TNIK: variants seen among roughly 807,000 people sequenced by gnomAD.
TNIK encodes the protein TRAF2 and NCK-interacting protein kinase.
Under a neutral mutation model 191.3 loss-of-function variants are expected in TNIK, and 49 were observed. The ratio of observed to expected loss-of-function variants is 0.26; its 90% confidence interval spans 0.20 to 0.32. The LOEUF is 0.32. Ranked by LOEUF, TNIK falls within the 10% of genes least tolerant of loss-of-function variation. TNIK has a pLI of 1.00. For missense variants in TNIK, 1,155 were observed against 1,702.3 expected, an observed-to-expected ratio of 0.68 and a Z score of 5.66; for synonymous variants, 594 against 600.9, an observed-to-expected ratio of 0.99 and a Z score of 0.17.
At chr3:171,450,772 T>G (rs1027937425) in intron 1 of TNIK, among the ~76,000 whole-genome samples, 22 of 152,232 alleles carry the variant, frequency 1.4e-4, no homozygotes, top group African/African-American at 4.8e-4. Context: ...ATGAATGAAT[T>G]AATTGCATTC....
At chr3:171,267,513 C>T (rs1377033302) in intron 2 of TNIK, among the ~76,000 whole-genome samples, 3 of 152,226 alleles carry the variant, frequency 2.0e-5, no homozygotes, top group Non-Finnish European at 2.9e-5. Flanking sequence ...TGTTCATAAG[C>T]TGAATGTTCC....
chr3:171,260,310 A>T (rs1471470024), intron 2 of TNIK, among the ~76,000 whole-genome samples: 1 of 152,124 alleles, frequency 6.6e-6, no homozygotes, highest in South Asian at 2.1e-4. Context: ...CCGCTGCAAG[A>T]TGCTATTGCA....
chr3:171,130,631 A>G (rs1308361644), intron 15 of TNIK, among the ~76,000 whole-genome samples: 5 of 152,252 alleles, frequency 3.3e-5, no homozygotes, highest in African/African-American at 4.8e-5. Context: ...AAGGCATGCA[A>G]TATATCACTT....
intron 2 of TNIK, among the ~76,000 whole-genome samples, chr3:171,285,722 A>G (rs1201303576): frequency 2.0e-5 from 3 of 152,224 alleles, no homozygotes; most frequent in Non-Finnish European, 1.5e-5. Context: ...TTTGGCAGAT[A>G]AGAAAGCTCT....
At chr3:171,248,662 A>G (rs1036899601) in intron 2 of TNIK, among the ~76,000 whole-genome samples, 33 of 152,230 alleles carry the variant, frequency 2.2e-4, no homozygotes. Context: ...GATGCTGTAC[A>G]TTTAAGATTT....
chr3:171,178,254 T>C (rs1473212983), intron 7 of TNIK, among the ~76,000 whole-genome samples: 1 of 152,218 alleles, frequency 6.6e-6, no homozygotes, highest in Non-Finnish European at 1.5e-5. Context: ...TTGGTTTAAC[T>C]AGAAAAACAG....
At chr3:171,263,591 T>C (rs1455556576) in intron 2 of TNIK, among the ~76,000 whole-genome samples, 1 of 152,176 alleles carries the variant, frequency 6.6e-6, no homozygotes, top group Non-Finnish European at 1.5e-5. Flanking sequence ...CTATATGCAA[T>C]GATGTATAAA....
chr3:171,128,819 GGCA>G lies in TNIK; in HGVS notation c.1665_1667del (p.Ala556del). ...GCAGGTTGGGGTCAGATATCCTGTT[GGCA>G]ACCTTGTGAGGCATGGCAGGGGAAC... On this transcript the variant is annotated inframe_deletion, in exon 16 of 33. Transcript: ENST00000436636. The G allele has an allele frequency of 6.2e-7, 1 of 1,600,620 alleles. No individual in the cohort carries two copies. Among genetic ancestry groups the G allele is most frequent in the Non-Finnish European group, 8.5e-7 (1 of 1,174,722 alleles).
chr3:171,382,283 T>G (rs1019757356), intron 1 of TNIK, among the ~76,000 whole-genome samples: 1 of 139,110 alleles, frequency 7.2e-6, no homozygotes, highest in East Asian at 2.5e-4. Flanking sequence ...GGCAGTGGCA[T>G]GATCTCAGCT....
intron 21 of TNIK, chr3:171,101,868 T>C: frequency 2.0e-6 from 1 of 495,206 alleles, no homozygotes; most frequent in Non-Finnish European, 3.6e-6. Context: ...ACTGAGACTG[T>C]TCAGTCCTGA....
rs760903715 is a variant in TNIK at position 171,087,449 on chromosome 3, T to C, written c.2779A>G (p.Ile927Val). 6.2e-7 allele frequency: 1 copy of C among 1,613,920 alleles called. No homozygotes were observed. The highest frequency in any genetic ancestry group is 1.1e-5 in the South Asian group (1 of 91,080). The change falls in exon 24 of 33, where the codon ATC becomes GTC. Residue 927 changes from isoleucine to valine, a missense_variant. Physicochemically the swap from Ile to Val is conservative, Grantham distance 29. Transcript: ENST00000436636. ...HSDSNGFAGH[I>V]NLPDLVQQSH... ...TGCTGCACCAGGTCAGGGAGGTTGATGTGGCCAGCAAAGCCATTGCTGTCA... is the reference window on the plus strand; with the variant it reads ...TGCTGCACCAGGTCAGGGAGGTTGACGTGGCCAGCAAAGCCATTGCTGTCA...
intron 3 of TNIK, among the ~76,000 whole-genome samples, chr3:171,212,786 T>C (rs1740992398): frequency 6.6e-6 from 1 of 152,032 alleles, no homozygotes; most frequent in Non-Finnish European, 1.5e-5. Flanking sequence ...CAGAGCAGCA[T>C]TAGTGATGTT....
intron 3 of TNIK, among the ~76,000 whole-genome samples, chr3:171,219,360 G>A (rs975356947): frequency 6.9e-6 from 1 of 144,854 alleles, no homozygotes; most frequent in African/African-American, 2.5e-5. Context: ...ATAATGATGT[G>A]TATATATATA....
chr3:171,228,320 T>A, intron 2 of TNIK, 99 bp from the exon 3 acceptor site: 1 of 1,196,056 alleles, frequency 8.4e-7, no homozygotes, highest in Non-Finnish European at 1.2e-6. Flanking sequence ...AGTGCTGTAC[T>A]ATGTCAATGG....
At chr3:171,268,272 G>T (rs1478694062) in intron 2 of TNIK, among the ~76,000 whole-genome samples, 1 of 152,110 alleles carries the variant, frequency 6.6e-6, no homozygotes, top group South Asian at 2.1e-4. Flanking sequence ...GTCCTGACAA[G>T]TTGGTTTAGG....
At chr3:171,300,438 A>T (rs1752758838) in intron 2 of TNIK, among the ~76,000 whole-genome samples, 1 of 152,250 alleles carries the variant, frequency 6.6e-6, no homozygotes, top group South Asian at 2.1e-4. Flanking sequence ...AAAGGGAAAA[A>T]TGTATGCATC....
At chr3:171,088,583 G>A (rs757865774) in intron 23 of TNIK, among the ~76,000 whole-genome samples, 3 of 152,184 alleles carry the variant, frequency 2.0e-5, no homozygotes, top group Non-Finnish European at 4.4e-5. Flanking sequence ...AAAAATGTAT[G>A]ACTTGTGAAT....
At chr3:171,459,949 C>T in intron 1 of TNIK, 58 bp downstream of exon 1, 1 of 1,557,464 alleles carries the variant, frequency 6.4e-7, no homozygotes, top group Non-Finnish European at 8.7e-7. Flanking sequence ...GTCCACGCAC[C>T]GAGCCCATTC....
intron 2 of TNIK, among the ~76,000 whole-genome samples, chr3:171,246,274 T>C (rs1340685437): frequency 2.7e-5 from 4 of 148,774 alleles, no homozygotes; most frequent in Non-Finnish European, 5.9e-5. Flanking sequence ...GACACTTGGG[T>C]AGAGAACCAG....
Sources: gnomAD v4.1 joint callset for allele counts (sites outside exome capture counted in the v4.1 genomes callset) on GRCh38, gnomAD v4.1.1 for gene constraint, MANE v1.5 for transcripts, NCBI Gene and HGNC (gene_info 2026-07-23, HGNC 2026-07-21) for gene names.